ZNF248: variants seen among roughly 807,000 people sequenced by gnomAD.
The protein encoded by ZNF248 is KRAB protein domain.
ZNF248 carries 20 observed loss-of-function variants against 44.3 expected under a neutral mutation model. The ratio of observed to expected loss-of-function variants is 0.45; its 90% CI spans 0.32 to 0.66. ZNF248 has a LOEUF of 0.66. Ranked by LOEUF, ZNF248 falls within the 30% of genes least tolerant of loss-of-function variation. The pLI is 0.04. For missense variants in ZNF248, 654 were observed against 677.0 expected, an observed-to-expected ratio of 0.97 and a Z score of 0.38; for synonymous variants, 224 against 229.0, an observed-to-expected ratio of 0.98 and a Z score of 0.20.
intron 3 of ZNF248, among the ~76,000 whole-genome samples, chr10:37,846,066 C>A (rs144690160): frequency 1.6e-4 from 24 of 152,288 alleles, no homozygotes; most frequent in Non-Finnish European, 2.8e-4. Context: ...AATGTACCAT[C>A]ACCTTTAAAA....
At chr10:37,814,945 A>G (rs1384028834) in intron 6 of ZNF248, among the ~76,000 whole-genome samples, 1 of 152,174 alleles carries the variant, frequency 6.6e-6, no homozygotes, top group African/African-American at 2.4e-5. Context: ...TCAAATTTTA[A>G]AATGTTTCAC....
In ZNF248 at chr10:37,832,389, C is replaced by G; in HGVS notation, c.966G>C (p.Lys322Asn). Residue 322 changes from lysine (K) to asparagine (N), a missense_variant, in exon 6 of 6, where the codon AAG becomes AAC. Physicochemically the swap from Lys to Asn is moderately conservative, Grantham distance 94 (BLOSUM62 0). Transcript: ENST00000395867. Reference sequence around the variant, plus strand: ...CACTCACTTTATATTCACGGAGAATCTTTCTTGTGTAAGCTCCCTGATGGA... The same window carrying G: ...CACTCACTTTATATTCACGGAGAATGTTTCTTGTGTAAGCTCCCTGATGGA... ...FIIHQGAYTR[K>N]ILREYKVSDK... 2 of 1,614,020 alleles carry G rather than the reference C, an allele frequency of 1.2e-6. No individual in the cohort carries two copies. The highest frequency in any genetic ancestry group is 1.7e-6 in the Non-Finnish European group (2 of 1,179,936).
At chr10:37,820,155 C>T in intron 6 of ZNF248, 2 of 1,145,158 alleles carry the variant, frequency 1.7e-6, no homozygotes, top group East Asian at 2.4e-5. Context: ...TTCTTCCCTC[C>T]TTCTTAAGTC....
At chr10:37,795,606 C>T (rs1326953838) in intron 6 of ZNF248, 1 of 152,084 alleles carries the variant, frequency 6.6e-6, no homozygotes, top group Non-Finnish European at 1.5e-5. Flanking sequence ...ACACAGTATT[C>T]ATTATGACTG....
chr10:37,815,372 T>TTTTA (rs140038619), intron 6 of ZNF248, among the ~76,000 whole-genome samples: 9,102 of 152,046 alleles, frequency 0.06, 347 homozygotes, highest in Middle Eastern at 0.096. Flanking sequence ...CTTCAGTCTT[T>TTTTA]TTTCTTTCCT....
At chr10:37,802,107 T>C (rs1401753368) in intron 6 of ZNF248, among the ~76,000 whole-genome samples, 1 of 152,340 alleles carries the variant, frequency 6.6e-6, no homozygotes, top group East Asian at 1.9e-4. Context: ...GTTTCCCTGA[T>C]GTTGAGTTTT....
At position 37,829,544 on chromosome 10, in the gene ZNF248, C is replaced by T. The variant is rs1002419705; in HGVS notation, c.*2071G>A. ...AATGCCTTCAGCTCTAAGTATCAGA[C>T]AGCCCTAAGACCAAATAAAAAACAG... On this transcript the variant is annotated 3_prime_UTR_variant, in exon 6 of 6. Transcript: ENST00000395867. The T allele has an allele frequency of 1.0e-6, 1 of 985,224 alleles. No individual in the cohort carries two copies. The highest frequency in any genetic ancestry group is 1.7e-5 in the African/African-American group (1 of 57,218). The allele number at this position is 985,224 out of a possible 1,614,324, so 61.0% of individuals were successfully genotyped here. A position where few individuals can be genotyped will look rare whatever the true frequency, so the allele number is the denominator to read the frequency against.
chr10:37,809,188 A>G (rs2051100876), intron 6 of ZNF248, among the ~76,000 whole-genome samples: 1 of 151,866 alleles, frequency 6.6e-6, no homozygotes, highest in African/African-American at 2.4e-5. Flanking sequence ...GGTTTAGTTG[A>G]TTTTCTCTAT....
At chr10:37,856,597 A>T (rs1420850136) in intron 1 of ZNF248, 65 bp from the exon 2 acceptor site, 7 of 1,108,732 alleles carry the variant, frequency 6.3e-6, no homozygotes, top group Non-Finnish European at 7.7e-6. Flanking sequence ...AATCTGAAGG[A>T]AAAAACACTA....
At chr10:37,783,536 C>T (rs1036557680) in intron 6 of ZNF248, among the ~76,000 whole-genome samples, 1 of 152,212 alleles carries the variant, frequency 6.6e-6, no homozygotes, top group African/African-American at 2.4e-5. Flanking sequence ...AAGTTAAAAA[C>T]TTTTGTGCAT....
chr10:37,806,310 A>G (rs975356993), intron 6 of ZNF248, among the ~76,000 whole-genome samples: 5 of 152,130 alleles, frequency 3.3e-5, no homozygotes, highest in African/African-American at 1.2e-4. Flanking sequence ...CAGCTGTACC[A>G]TTTTACATTC....
At chr10:37,789,672 T>C (rs1329600535) in intron 6 of ZNF248, among the ~76,000 whole-genome samples, 6 of 152,196 alleles carry the variant, frequency 3.9e-5, no homozygotes, top group African/African-American at 7.2e-5. Flanking sequence ...GGTACCTTTA[T>C]TGTAAAAAAG....
chr10:37,850,672 T>C (rs556105007), intron 3 of ZNF248, among the ~76,000 whole-genome samples: 52 of 152,058 alleles, frequency 3.4e-4, no homozygotes, highest in Non-Finnish European at 5.1e-4. Flanking sequence ...CTGACAAAGG[T>C]ACAAAAGGAG....
At chr10:37,784,115 C>G (rs1360954355) in intron 6 of ZNF248, 2 of 152,380 alleles carry the variant, frequency 1.3e-5, no homozygotes, top group African/African-American at 4.8e-5. Flanking sequence ...TGCCCAGCCT[C>G]CCAAAGAGGT....
In ZNF248 at chr10:37,808,815, A is replaced by G. The variant is rs1190472705; in HGVS notation, c.330+24210T>C. Among the ~76,000 whole-genome samples, 4 of 152,272 alleles carry G rather than the reference A, an allele frequency of 2.6e-5. No individual in the cohort carries two copies. The East Asian group carries it at 5.8e-4, about 22-fold the overall frequency. On this transcript the variant is annotated intron_variant, in intron 6 of 6. Coordinates refer to the ZNF248 transcript ENST00000615949. ...AAGACTAATGTTAGTCGGTCTTTAAATGTTTGGTAGAATTCACCAAGGAAG... is the reference window on the plus strand; with the variant it reads ...AAGACTAATGTTAGTCGGTCTTTAAGTGTTTGGTAGAATTCACCAAGGAAG...
the ZNF248 span, among the ~76,000 whole-genome samples, chr10:37,769,486 G>A: frequency 4.6e-5 from 7 of 152,214 alleles, no homozygotes; most frequent in South Asian, 4.1e-4. Context: ...ATCAATAAAC[G>A]TAATCCAGCA....
At chr10:37,825,220 T>C (rs968716159), downstream of ZNF248, among the ~76,000 whole-genome samples, 5 of 152,174 alleles carry the variant, frequency 3.3e-5, no homozygotes, top group African/African-American at 1.2e-4. Flanking sequence ...GACTAGCTAT[T>C]ATAAAATGAT....
At chr10:37,839,655 G>A (rs1208642) in intron 3 of ZNF248, among the ~76,000 whole-genome samples, 9,131 of 152,018 alleles carry the variant, frequency 0.06, 355 homozygotes, top group Middle Eastern at 0.095. Context: ...TGCATTTAAC[G>A]AAAGACTATC....
At chr10:37,789,154 T>C (rs2048227172) in intron 6 of ZNF248, among the ~76,000 whole-genome samples, 1 of 152,194 alleles carries the variant, frequency 6.6e-6, no homozygotes, top group Non-Finnish European at 1.5e-5. Flanking sequence ...ACTGACAGCA[T>C]ATTGGCGTGA....
Sources: allele counts gnomAD v4.1 joint callset (sites outside exome capture counted in the v4.1 genomes callset), GRCh38; gene constraint gnomAD v4.1.1; transcripts MANE v1.5; gene names NCBI Gene and HGNC (gene_info 2026-07-23, HGNC 2026-07-21).